Variants in SMARCAD1 observed in about 807,000 individuals in gnomAD.
SMARCAD1 encodes SWI/SNF-related matrix-associated actin-dependent regulator of chromatin subfamily A containing DEAD/H box 1.
SMARCAD1 carries 25 observed loss-of-function variants against 127.1 expected under a neutral mutation model. That is an observed-to-expected ratio of 0.20 (90% confidence interval 0.14 to 0.27). The LOEUF is 0.27. SMARCAD1 is among the 10% of genes least tolerant of loss of function. The probability of loss-of-function intolerance (pLI) is 1.00; values close to 1 mark genes in which losing one functional copy is unlikely to be tolerated. For missense variants in SMARCAD1, 807 were observed against 1,206.0 expected, an observed-to-expected ratio of 0.67 and a Z score of 4.90; for synonymous variants, 400 against 396.9, an observed-to-expected ratio of 1.01 and a Z score of -0.09.
At chr4:94,243,874 C>G (rs1360098574) in intron 6 of SMARCAD1, among the ~76,000 whole-genome samples, 3 of 152,174 alleles carry the variant, frequency 2.0e-5, no homozygotes, top group Non-Finnish European at 2.9e-5. Flanking sequence ...CCTAAGCATT[C>G]TGGTTCAAAA....
At chr4:94,222,633 CTTCTG>C (rs1037896917) in intron 2 of SMARCAD1, among the ~76,000 whole-genome samples, 27 of 152,076 alleles carry the variant, frequency 1.8e-4, no homozygotes, top group East Asian at 5.8e-4. Context: ...TTTCTGTATT[CTTCTG>C]TTCTGTTAAC....
intron 6 of SMARCAD1, 58 bp downstream of exon 6, chr4:94,241,064 G>A (rs1042979357): frequency 8.4e-7 from 1 of 1,188,040 alleles, no homozygotes; most frequent in East Asian, 2.4e-5. Flanking sequence ...AGGATATGTG[G>A]AGTTTGTGGA....
intron 23 of SMARCAD1, among the ~76,000 whole-genome samples, chr4:94,288,187 G>T (rs1308172456): frequency 6.6e-6 from 1 of 151,878 alleles, no homozygotes; most frequent in East Asian, 1.9e-4. Context: ...TACCATTGTA[G>T]CATCTAAGAA....
At chr4:94,260,280 A>G (rs1342495140) in intron 9 of SMARCAD1, among the ~76,000 whole-genome samples, 2 of 152,178 alleles carry the variant, frequency 1.3e-5, no homozygotes, top group African/African-American at 4.8e-5. Context: ...TAACATTAGC[A>G]TCTGTTGATG....
At chr4:94,207,787 G>A (rs2110500086), upstream of SMARCAD1, 1 of 224,016 alleles carries the variant, frequency 4.5e-6, no homozygotes, top group Admixed American at 5.2e-5. Flanking sequence ...TTAAAAAGAT[G>A]CCTTAGCATG....
chr4:94,282,100 G>GTTTTTTTTTTTT (rs70946518), intron 21 of SMARCAD1, among the ~76,000 whole-genome samples: 14 of 74,964 alleles, frequency 1.9e-4, no homozygotes, highest in Non-Finnish European at 2.7e-4. Flanking sequence ...ACGTTTTTTT[G>GTTTTTTTTTTTT]TTTTTTTTTT....
chr4:94,273,352 A>C (rs1181624609), intron 11 of SMARCAD1, among the ~76,000 whole-genome samples: 1 of 152,204 alleles, frequency 6.6e-6, no homozygotes, highest in Non-Finnish European at 1.5e-5. Context: ...GCAATGCAAA[A>C]AGTCTTCCAT....
intron 9 of SMARCAD1, among the ~76,000 whole-genome samples, chr4:94,256,368 T>A (rs1191207493): frequency 2.0e-5 from 3 of 152,100 alleles, no homozygotes; most frequent in Non-Finnish European, 2.9e-5. Flanking sequence ...GGTTTTTGTT[T>A]TGTTTTGTTT....
At chr4:94,240,849 A>G in intron 5 of SMARCAD1, 57 bp from the exon 6 acceptor site, 1 of 1,320,358 alleles carries the variant, frequency 7.6e-7, no homozygotes, top group South Asian at 1.2e-5. Context: ...GTTTTACATT[A>G]AATTGATTTT....
intron 15 of SMARCAD1, 41 bp from the exon 16 acceptor site, chr4:94,276,981 C>A (rs375386368): frequency 6.2e-7 from 1 of 1,612,632 alleles, no homozygotes; most frequent in South Asian, 1.1e-5. Flanking sequence ...AGGAGTGGCT[C>A]TTTAAGAAAA....
At chr4:94,269,731 T>C (rs1442346306) in intron 10 of SMARCAD1, among the ~76,000 whole-genome samples, 1 of 152,114 alleles carries the variant, frequency 6.6e-6, no homozygotes, top group Non-Finnish European at 1.5e-5. Context: ...TGCAATGGCA[T>C]GATCTCAGCT....
chr4:94,228,325 A>G (rs555131203), intron 3 of SMARCAD1, among the ~76,000 whole-genome samples: 1 of 152,316 alleles, frequency 6.6e-6, no homozygotes, highest in South Asian at 2.1e-4. Flanking sequence ...CCACAATTGC[A>G]TTATCACTCT....
chr4:94,264,912 C>A lies in SMARCAD1; in HGVS notation c.1481+6C>A. 1 of 1,602,402 alleles carries A rather than the reference C, an allele frequency of 6.2e-7. No homozygotes were observed. Among genetic ancestry groups the A allele is most frequent in the Middle Eastern group, 1.7e-4 (1 of 5,998 alleles). ...CCTTCCATTCTAAACCAAAGGTAAT[C>A]TTTGTTGAATATATTTATTCGTATT... On this transcript the variant is annotated splice_donor_region_variant and intron_variant, in intron 10 of 23. Coordinates refer to ENST00000354268, the MANE Select transcript of SMARCAD1 (RefSeq NM_020159.5).
At chr4:94,237,395 G>A (rs1197832997) in intron 5 of SMARCAD1, among the ~76,000 whole-genome samples, 1 of 151,550 alleles carries the variant, frequency 6.6e-6, no homozygotes, top group African/African-American at 2.4e-5. Context: ...ATGTTTCAGG[G>A]GCTTGGGATA....
In SMARCAD1 at chr4:94,264,734, T is replaced by C. The variant is rs1470395187; in HGVS notation, c.1309T>C (p.Leu437=). The change falls in exon 10 of 24, where the codon TTA becomes CTA. Residue 437 remains leucine (L), a synonymous_variant. Transcript: ENST00000354268. ...CACAAAGATGTCCAAAACTAATGGC[T>C]TATCAGAAGATTTGATATGGCACTG... ...LFTKMSKTNG[L]SEDLIWHCKT... The C allele has an allele frequency of 1.2e-6, 2 of 1,612,190 alleles. No individual in the cohort carries two copies. The highest frequency in any genetic ancestry group is 2.2e-5 in the East Asian group (1 of 44,758).
At position 94,239,412 on chromosome 4, in the gene SMARCAD1, A is replaced by G. The variant is rs113543308; in HGVS notation, c.605-1494A>G. The stretch of plus-strand genomic sequence containing the variant: ...TCATCCTGCGTATTAAACACTAGGG[A>G]TGTTTTTATGCTGTTTGTTTTGAAA... On this transcript the variant is annotated intron_variant, in intron 5 of 23. Transcript: ENST00000354268. Among the ~76,000 whole-genome samples the G allele has an allele frequency of 3.1e-3, 422 of 136,596 alleles. 5 individuals are homozygous for G. The highest frequency in any genetic ancestry group is 0.011 in the African/African-American group (400 of 36,140). 89.6% of individuals were successfully genotyped at this position (136,596 alleles called of 152,430 possible).
At chr4:94,243,957 AGATAAAAACATAAC>A (rs1748009092) in intron 6 of SMARCAD1, among the ~76,000 whole-genome samples, 1 of 152,238 alleles carries the variant, frequency 6.6e-6, no homozygotes, top group Non-Finnish European at 1.5e-5. Context: ...ACATTTGGAA[AGATAAAAACATAAC>A]GATACATCCC....
intron 20 of SMARCAD1, 32 bp downstream of exon 20, chr4:94,280,812 T>A (rs1753904339): frequency 6.2e-7 from 1 of 1,602,818 alleles, no homozygotes; most frequent in Non-Finnish European, 8.5e-7. Context: ...TCTTTTGTAT[T>A]TTCTCAATTA....
intron 6 of SMARCAD1, among the ~76,000 whole-genome samples, chr4:94,248,132 G>A (rs1487368): frequency 6.6e-6 from 1 of 152,170 alleles, no homozygotes; most frequent in African/African-American, 2.4e-5. Flanking sequence ...AGCTTGCTTA[G>A]GAAATGGTTT....
Sources: allele counts gnomAD v4.1 joint callset (sites outside exome capture counted in the v4.1 genomes callset), GRCh38; gene constraint gnomAD v4.1.1; transcripts MANE v1.5; gene names NCBI Gene and HGNC (gene_info 2026-07-23, HGNC 2026-07-21).